SLIT3: variants seen among roughly 807,000 people sequenced by gnomAD.
The protein encoded by SLIT3 is slit guidance ligand 3.
SLIT3 carries 68 observed loss-of-function variants against 184.0 expected under a neutral mutation model. The ratio of observed to expected loss-of-function variants is 0.37; its 90% CI spans 0.30 to 0.45. The LOEUF (loss-of-function observed/expected upper bound fraction) is 0.45, where lower values mean the gene tolerates loss of function less well. Ranked by LOEUF, SLIT3 falls within the 20% of genes least tolerant of loss-of-function variation. The probability of loss-of-function intolerance (pLI) is 1.00; values close to 1 mark genes in which losing one functional copy is unlikely to be tolerated. For synonymous variants in SLIT3, 831 were observed against 828.6 expected (o/e 1.00, Z -0.05); for missense variants, 1,707 against 2,026.0 (o/e 0.84, Z 3.02).
At chr5:169,113,743 A>C (rs1364695910) in intron 4 of SLIT3, among the ~76,000 whole-genome samples, 2 of 145,370 alleles carry the variant, frequency 1.4e-5, no homozygotes, top group East Asian at 2.0e-4. Flanking sequence ...GCAACATCTG[A>C]CTCCCTGGTT....
intron 3 of SLIT3, among the ~76,000 whole-genome samples, chr5:169,219,207 G>T (rs758844380): frequency 6.6e-6 from 1 of 152,134 alleles, no homozygotes. Context: ...CACAGGAGAC[G>T]ACTGTCCCAC....
chr5:169,228,142 C>T (rs538857663), intron 3 of SLIT3, among the ~76,000 whole-genome samples: 8 of 152,252 alleles, frequency 5.3e-5, no homozygotes, highest in African/African-American at 1.7e-4. Flanking sequence ...ACATATATCA[C>T]ATAAATAAAA....
chr5:169,106,092 G>A (rs1760196954), intron 4 of SLIT3, among the ~76,000 whole-genome samples: 1 of 152,136 alleles, frequency 6.6e-6, no homozygotes, highest in African/African-American at 2.4e-5. Flanking sequence ...AATAGCTAAT[G>A]AATGCCTGGC....
chr5:168,916,180 T>A lies in SLIT3; in HGVS notation c.414-32844A>T, dbSNP rs1761428693. 2.0e-5 allele frequency among the ~76,000 whole-genome samples: 3 copies of A among 152,246 alleles called. No homozygotes were observed. In the South Asian group the frequency reaches 6.2e-4, roughly 31 times the overall value. On this transcript the variant is annotated intron_variant, in intron 4 of 35. Transcript: ENST00000519560. ...TTGTTAAATCTAAGTGATGGGCATA[T>A]GTGGAGCCCACATTTGAGTGATCTC...
chr5:169,266,563 T>C (rs1162207871), intron 1 of SLIT3, among the ~76,000 whole-genome samples: 1 of 152,164 alleles, frequency 6.6e-6, no homozygotes, highest in African/African-American at 2.4e-5. Context: ...GAAAGCAGCC[T>C]GGGTTCCTAA....
chr5:169,145,917 A>G (rs1230353861), intron 4 of SLIT3, among the ~76,000 whole-genome samples: 1 of 152,124 alleles, frequency 6.6e-6, no homozygotes, highest in Admixed American at 6.5e-5. Flanking sequence ...GTGTGGTGGC[A>G]CACACAACCT....
At chr5:168,850,275 G>A (rs1433866508) in intron 5 of SLIT3, among the ~76,000 whole-genome samples, 1 of 152,108 alleles carries the variant, frequency 6.6e-6, no homozygotes, top group African/African-American at 2.4e-5. Flanking sequence ...CATCTCAAAT[G>A]AGCAAAAGGA....
rs1429239811 is a variant in SLIT3, at chr5:169,139,426, G to GCAT, written c.413+54050_413+54052dup. ...TTATCTAATCCTTACAGCTCTTCCA[G>GCAT]CATCATCATCATCCTAGTTTCTCAG... is the stretch of plus-strand genomic sequence containing the variant. On this transcript the variant is annotated intron_variant, in intron 4 of 35. Transcript: ENST00000519560. 2.0e-5 allele frequency among the ~76,000 whole-genome samples: 3 copies of GCAT among 152,282 alleles called. No individual in the cohort carries two copies. The South Asian group carries it at 6.2e-4, about 32-fold the overall frequency.
intron 29 of SLIT3, among the ~76,000 whole-genome samples, chr5:168,690,327 G>T (rs1042758366): frequency 1.1e-4 from 16 of 152,146 alleles, no homozygotes; most frequent in African/African-American, 2.7e-4. Context: ...TAGAGACGGG[G>T]TTTCACCATG....
intron 20 of SLIT3, among the ~76,000 whole-genome samples, chr5:168,740,864 ATCG>A (rs1291110627): frequency 6.6e-6 from 1 of 152,224 alleles, no homozygotes; most frequent in Non-Finnish European, 1.5e-5. Context: ...TTCACGGGCT[ATCG>A]TCATGGCATT....
chr5:169,040,525 G>A (rs1171666017), intron 4 of SLIT3, among the ~76,000 whole-genome samples: 1 of 152,186 alleles, frequency 6.6e-6, no homozygotes, highest in African/African-American at 2.4e-5. Flanking sequence ...TCCCCATCCT[G>A]CCCTTGACAA....
chr5:168,870,252 T>A (rs536846361), intron 5 of SLIT3, among the ~76,000 whole-genome samples: 1 of 152,350 alleles, frequency 6.6e-6, no homozygotes, highest in East Asian at 1.9e-4. Context: ...TTTCCAGAAC[T>A]GGCTGTTGCC....
chr5:168,806,923 C>T (rs2113633396), intron 8 of SLIT3, among the ~76,000 whole-genome samples: 1 of 152,210 alleles, frequency 6.6e-6, no homozygotes, highest in East Asian at 1.9e-4. Flanking sequence ...GACCACTTTC[C>T]CAGGATGCAT....
At chr5:168,880,007 C>T (rs1411876644) in intron 5 of SLIT3, among the ~76,000 whole-genome samples, 1 of 152,238 alleles carries the variant, frequency 6.6e-6, no homozygotes, top group Non-Finnish European at 1.5e-5. Context: ...GAACTTGGAA[C>T]TAATCGTTTT....
intron 3 of SLIT3, 30 bp downstream of exon 3, chr5:169,244,675 C>G: frequency 6.3e-7 from 1 of 1,591,088 alleles, no homozygotes; most frequent in Non-Finnish European, 8.6e-7. Context: ...TAAATAAATA[C>G]TTTAAGAAAG....
chr5:169,278,959 G>A (rs1402658189), intron 1 of SLIT3, among the ~76,000 whole-genome samples: 1 of 152,154 alleles, frequency 6.6e-6, no homozygotes, highest in Non-Finnish European at 1.5e-5. Flanking sequence ...AGAATTCATG[G>A]TACGGGGGCT....
intron 9 of SLIT3, among the ~76,000 whole-genome samples, chr5:168,801,588 G>C (rs1756768297): frequency 6.6e-6 from 1 of 152,224 alleles, no homozygotes; most frequent in Non-Finnish European, 1.5e-5. Flanking sequence ...AAAAGTGGAA[G>C]AAGATGGGAC....
intron 20 of SLIT3, among the ~76,000 whole-genome samples, chr5:168,735,403 G>C (rs1052394177): frequency 2.3e-4 from 35 of 152,242 alleles, no homozygotes; most frequent in Admixed American, 5.9e-4. Flanking sequence ...GGAGTGATGT[G>C]GGGGCAGCTC....
intron 5 of SLIT3, among the ~76,000 whole-genome samples, chr5:168,866,622 A>C (rs1452150003): frequency 1.3e-5 from 2 of 152,102 alleles, no homozygotes; most frequent in African/African-American, 4.8e-5. Flanking sequence ...CTCTCATTTT[A>C]ATTTTGGATT....
Sources: gnomAD v4.1 joint callset for allele counts (sites outside exome capture counted in the v4.1 genomes callset) on GRCh38, gnomAD v4.1.1 for gene constraint, MANE v1.5 for transcripts, NCBI Gene and HGNC (gene_info 2026-07-23, HGNC 2026-07-21) for gene names.